The following FYB1 variants were observed in gnomAD, a reference collection of about 807,000 sequenced individuals.
The protein encoded by FYB1 is FYN binding protein 1.
In FYB1, 41 loss-of-function variants were observed where a neutral mutation model predicts 94.1. That is an observed-to-expected ratio of 0.44 (90% CI 0.34 to 0.57). The LOEUF is 0.57. Among genes scored for constraint, FYB1 ranks in the 20% least tolerant of loss-of-function variants. The pLI is 0.02. For missense variants in FYB1, 1,050 were observed against 976.8 expected (o/e 1.07, Z -1.00); for synonymous variants, 367 against 353.2 (o/e 1.04, Z -0.44).
chr5:39,119,126 G>C, intron 15 of FYB1, 90 bp from the exon 16 acceptor site: 3 of 580,750 alleles, frequency 5.2e-6, no homozygotes, highest in Non-Finnish European at 8.2e-6. Context: ...AAAGTTATTT[G>C]CTAAAGAGAT....
chr5:39,199,275 A>G lies in FYB1; in HGVS notation c.1135+2551T>C, dbSNP rs534490799. On this transcript the variant is annotated intron_variant, in intron 2 of 18. Coordinates refer to ENST00000512982, the MANE Select transcript of FYB1 (RefSeq NM_001465.6). ...TGAACATATACTTTCTAATTCTGATATATTTTAACCTTCCTAAATGAAATG... is the reference window on the plus strand; with the variant it reads ...TGAACATATACTTTCTAATTCTGATGTATTTTAACCTTCCTAAATGAAATG... Among the ~76,000 whole-genome samples the G allele has an allele frequency of 1.1e-3, 173 of 152,296 alleles. 1 individual carries two copies. The highest frequency in any genetic ancestry group is 3.7e-3 in the South Asian group (18 of 4,828).
chr5:39,264,566 G>T (rs1752350174), intron 1 of FYB1, among the ~76,000 whole-genome samples: 1 of 152,116 alleles, frequency 6.6e-6, no homozygotes, highest in African/African-American at 2.4e-5. Context: ...CAGCCATCCT[G>T]GTCTTTTTAC....
upstream of FYB1, among the ~76,000 whole-genome samples, chr5:39,220,853 A>G (rs764640613): frequency 1.3e-5 from 2 of 152,264 alleles, no homozygotes; most frequent in Non-Finnish European, 2.9e-5. Context: ...CCTCAGGCTA[A>G]GAATTTACAT....
intron 1 of FYB1, among the ~76,000 whole-genome samples, chr5:39,259,321 C>T (rs1313615315): frequency 6.6e-6 from 1 of 152,216 alleles, no homozygotes; most frequent in Non-Finnish European, 1.5e-5. Context: ...GGACTAAGTA[C>T]AGCACAGCAC....
intron 1 of FYB1, among the ~76,000 whole-genome samples, chr5:39,267,760 G>T (rs1489531451): frequency 6.6e-6 from 1 of 152,190 alleles, no homozygotes; most frequent in Non-Finnish European, 1.5e-5. Context: ...TATATAGTAA[G>T]AAACTTAAAG....
intron 14 of FYB1, among the ~76,000 whole-genome samples, chr5:39,120,708 A>C (rs1397595748): frequency 6.6e-6 from 1 of 152,110 alleles, no homozygotes; most frequent in African/African-American, 2.4e-5. Context: ...GAATATATTA[A>C]TTTTTATTTA....
rs568007699 is a variant in FYB1 at position 39,132,915 on chromosome 5, T to C, written c.1817+1293A>G. 3.9e-5 allele frequency among the ~76,000 whole-genome samples: 6 copies of C among 152,312 alleles called. No homozygotes were observed. In the South Asian group the frequency reaches 1.2e-3, roughly 32 times the overall value. On this transcript the variant is annotated intron_variant, in intron 9 of 18. Transcript: ENST00000512982. ...ACTTCATCTGGCCTCAAAACTGGCA[T>C]TTACTGACTCACACTAGGTCGATGT...
At chr5:39,262,077 T>A (rs148094530) in intron 1 of FYB1, among the ~76,000 whole-genome samples, 64 of 152,292 alleles carry the variant, frequency 4.2e-4, no homozygotes, top group African/African-American at 1.5e-3. Flanking sequence ...ATGACTTTAA[T>A]ATTTAAGGGG....
At chr5:39,235,289 T>TC (rs1474064593) in intron 1 of FYB1, among the ~76,000 whole-genome samples, 2 of 151,604 alleles carry the variant, frequency 1.3e-5, no homozygotes, top group Admixed American at 1.3e-4. Flanking sequence ...TTTTTTTTTT[T>TC]CACAGTCAGT....
intron 1 of FYB1, among the ~76,000 whole-genome samples, chr5:39,239,197 C>A (rs1751100006): frequency 6.6e-6 from 1 of 152,096 alleles, no homozygotes; most frequent in Non-Finnish European, 1.5e-5. Flanking sequence ...CAGCCCACAG[C>A]CAACATCATA....
intron 1 of FYB1, among the ~76,000 whole-genome samples, chr5:39,250,125 C>T (rs1181529579): frequency 6.6e-6 from 1 of 152,154 alleles, no homozygotes; most frequent in Non-Finnish European, 1.5e-5. Flanking sequence ...GAGGCCTCTC[C>T]AGCCATGTGG....
chr5:39,145,482 G>T (rs1184119565), intron 3 of FYB1, among the ~76,000 whole-genome samples: 1 of 151,984 alleles, frequency 6.6e-6, no homozygotes, highest in Non-Finnish European at 1.5e-5. Context: ...ATTAATCAAA[G>T]ATCCCCTGAA....
intron 2 of FYB1, among the ~76,000 whole-genome samples, chr5:39,192,479 G>C (rs917463515): frequency 3.9e-5 from 6 of 152,120 alleles, no homozygotes; most frequent in Non-Finnish European, 7.3e-5. Flanking sequence ...TCTTCTTGTA[G>C]GCTACTAAAG....
At chr5:39,222,035 A>AAAT (rs551412497), upstream of FYB1, among the ~76,000 whole-genome samples, 287 of 151,898 alleles carry the variant, frequency 1.9e-3, no homozygotes, top group African/African-American at 6.2e-3. Flanking sequence ...AAGTAAAATA[A>AAAT]AATAAAATAA....
intron 2 of FYB1, among the ~76,000 whole-genome samples, chr5:39,172,705 T>C (rs977389924): frequency 6.6e-6 from 1 of 152,008 alleles, no homozygotes; most frequent in Non-Finnish European, 1.5e-5. Context: ...AGGCATTTGG[T>C]TTTCTGTTCA....
At chr5:39,154,420 G>A (rs1419921472) in intron 2 of FYB1, among the ~76,000 whole-genome samples, 1 of 151,814 alleles carries the variant, frequency 6.6e-6, no homozygotes, top group African/African-American at 2.4e-5. Context: ...GAGGAAAAGA[G>A]GATATCTTGA....
intron 16 of FYB1, among the ~76,000 whole-genome samples, chr5:39,112,002 T>C (rs1033934640): frequency 3.9e-5 from 6 of 151,962 alleles, no homozygotes; most frequent in African/African-American, 1.4e-4. Flanking sequence ...ACTTTCTTTT[T>C]AAATAAGGTA....
intron 1 of FYB1, among the ~76,000 whole-genome samples, chr5:39,207,979 T>C (rs929316962): frequency 6.6e-6 from 1 of 152,242 alleles, no homozygotes; most frequent in Non-Finnish European, 1.5e-5. Context: ...CTAATTCTAT[T>C]GCTCTTGAAT....
At chr5:39,115,861 A>G (rs1057269578) in intron 16 of FYB1, among the ~76,000 whole-genome samples, 4 of 152,162 alleles carry the variant, frequency 2.6e-5, no homozygotes, top group African/African-American at 9.7e-5. Context: ...TCTCCCTTAC[A>G]CCCGCATCCT....
Sources: allele counts gnomAD v4.1 joint callset (sites outside exome capture counted in the v4.1 genomes callset), GRCh38; gene constraint gnomAD v4.1.1; transcripts MANE v1.5; gene names NCBI Gene and HGNC (gene_info 2026-07-23, HGNC 2026-07-21).